The following KALRN variants were observed in gnomAD, a reference collection of about 807,000 sequenced individuals.
The protein encoded by KALRN is kalirin.
KALRN carries 70 observed loss-of-function variants against 353.7 expected under a neutral mutation model. The ratio of observed to expected loss-of-function variants is 0.20; its 90% CI spans 0.16 to 0.24. The LOEUF is 0.24. Among genes scored for constraint, KALRN ranks in the 10% least tolerant of loss-of-function variants. The probability of loss-of-function intolerance (pLI) is 1.00; values close to 1 mark genes in which losing one functional copy is unlikely to be tolerated. For synonymous variants in KALRN, 1,391 were observed against 1,434.8 expected (o/e 0.97, Z 0.69); for missense variants, 2,791 against 3,756.7 (o/e 0.74, Z 6.72).
At chr3:124,559,949 A>G (rs771062655) in intron 33 of KALRN, among the ~76,000 whole-genome samples, 4 of 152,248 alleles carry the variant, frequency 2.6e-5, no homozygotes, top group African/African-American at 4.8e-5. Context: ...ACGTGTGAGC[A>G]TGGAAGAAAT....
intron 34 of KALRN, among the ~76,000 whole-genome samples, chr3:124,593,816 T>A (rs1233556805): frequency 6.6e-6 from 1 of 152,230 alleles, no homozygotes; most frequent in Non-Finnish European, 1.5e-5. Flanking sequence ...TTCTTCTCAC[T>A]TAAGATTACT....
chr3:124,171,714 T>A (rs1372403769), intron 1 of KALRN, among the ~76,000 whole-genome samples: 1 of 152,204 alleles, frequency 6.6e-6, no homozygotes, highest in Non-Finnish European at 1.5e-5. Context: ...ACAGAAGGAC[T>A]TCTGTTTTTC....
intron 34 of KALRN, among the ~76,000 whole-genome samples, chr3:124,574,476 A>C (rs2073879587): frequency 6.7e-6 from 1 of 149,998 alleles, no homozygotes; most frequent in Non-Finnish European, 1.5e-5. Context: ...TATCATCCAG[A>C]GGGGAAGTCA....
At chr3:124,524,927 C>G (rs894376522) in intron 33 of KALRN, among the ~76,000 whole-genome samples, 2 of 152,224 alleles carry the variant, frequency 1.3e-5, no homozygotes, top group African/African-American at 4.8e-5. Flanking sequence ...TAGCACCTTT[C>G]ACACTCTCAG....
At chr3:124,221,027 G>A (rs149542213) in intron 1 of KALRN, among the ~76,000 whole-genome samples, 10 of 152,288 alleles carry the variant, frequency 6.6e-5, no homozygotes, top group African/African-American at 1.9e-4. Context: ...CCTGGCTCTC[G>A]GAGTCTCCGA....
intron 34 of KALRN, among the ~76,000 whole-genome samples, chr3:124,603,423 C>G (rs1220604662): frequency 6.6e-6 from 1 of 152,196 alleles, no homozygotes; most frequent in East Asian, 1.9e-4. Flanking sequence ...TTAAAATTCA[C>G]AGACCTCTCC....
In KALRN at chr3:124,717,365, G is replaced by A. The variant is rs771866378; in HGVS notation, c.8395G>A (p.Val2799Ile). The change falls in exon 59 of 60, where the codon GTT becomes ATT. Residue 2799 changes from valine to isoleucine, a missense_variant. By Grantham distance (29) the Val-to-Ile change is conservative. Around this residue, in one of 11 missense-constraint regions of KALRN, gnomAD observed 188 missense variants for 402.9 expected, o/e 0.47. Coordinates refer to ENST00000682506, the MANE Select transcript of KALRN (RefSeq NM_001388419.1). ...TCTGCAGTACCTTCACAACTGCAGGGTTGCACATTTGGACATAAAGGTAAT... is the reference window on the plus strand; with the variant it reads ...TCTGCAGTACCTTCACAACTGCAGGATTGCACATTTGGACATAAAGGTAAT... ...EALQYLHNCR[V>I]AHLDIKPENL... 1 of 1,606,100 alleles carries A rather than the reference G, an allele frequency of 6.2e-7. No homozygotes were observed. The highest frequency in any genetic ancestry group is 8.5e-7 in the Non-Finnish European group (1 of 1,176,906).
chr3:124,661,711 T>G, intron 44 of KALRN, 140 bp from the exon 45 acceptor site: 1 of 706,906 alleles, frequency 1.4e-6, no homozygotes, highest in Non-Finnish European at 2.6e-6. Flanking sequence ...TCTCTGAGAG[T>G]GGACAGCCAG....
In KALRN at chr3:124,321,119, T is replaced by C. The variant is rs750609670; in HGVS notation, c.1093-4861T>C. Among the ~76,000 whole-genome samples the C allele has an allele frequency of 1.0e-3, 159 of 152,250 alleles. 1 individual carries two copies. The highest frequency in any genetic ancestry group is 5.5e-4 in the African/African-American group (23 of 41,466). ...AAAGATATGACATTCTTTGCACTAT[T>C]GGTTTTGTGCCAGGCATCTGGCTGG... On this transcript the variant is annotated intron_variant, in intron 6 of 59. Transcript: ENST00000682506.
chr3:124,519,405 C>A, intron 33 of KALRN: 1 of 985,342 alleles, frequency 1.0e-6, no homozygotes, highest in Non-Finnish European at 1.2e-6. Context: ...CATGGAAACC[C>A]CACACCAAGG....
At chr3:124,625,879 G>C (rs1435033884) in intron 34 of KALRN, among the ~76,000 whole-genome samples, 1 of 152,148 alleles carries the variant, frequency 6.6e-6, no homozygotes, top group Non-Finnish European at 1.5e-5. Flanking sequence ...TCAGGAGTTT[G>C]AGACCAGCCT....
In KALRN at chr3:124,176,832, G is replaced by A. The variant is rs150841148; in HGVS notation, c.74-51158G>A. Among the ~76,000 whole-genome samples, 35 of 152,236 alleles carry A rather than the reference G, an allele frequency of 2.3e-4. No homozygotes were observed. In the East Asian group the frequency reaches 6.6e-3, roughly 29 times the overall value. On this transcript the variant is annotated intron_variant, in intron 1 of 59. Coordinates refer to ENST00000682506, the MANE Select transcript of KALRN (RefSeq NM_001388419.1). ...TCTCTCCTTGCTTCATGTTAAATAG[G>A]CATCCTTAGGTCTTGGCTAAAAGGA...
At chr3:124,482,787 A>T (rs1323735462) in intron 27 of KALRN, 21 bp from the exon 28 acceptor site, 1 of 1,542,944 alleles carries the variant, frequency 6.5e-7, no homozygotes, top group South Asian at 1.1e-5. Flanking sequence ...GTCTAATTGC[A>T]CATTGTTCTC....
rs1348895083 is a variant in KALRN, at chr3:124,571,435, TA to T, written c.5182+8347del. 4.6e-5 allele frequency among the ~76,000 whole-genome samples: 7 copies of T among 152,368 alleles called. No individual in the cohort carries two copies. In the East Asian group the frequency reaches 1.3e-3, roughly 29 times the overall value. ...CCTGATCTGTTGTCCTCTCTGGGCA[TA>T]GAGCTTAGAGGCAAGTGCCTTCTAC... On this transcript the variant is annotated intron_variant, in intron 34 of 59. Transcript: ENST00000682506.
chr3:124,545,721 T>C (rs1190573078), intron 33 of KALRN, among the ~76,000 whole-genome samples: 2 of 152,218 alleles, frequency 1.3e-5, no homozygotes, highest in Non-Finnish European at 2.9e-5. Context: ...TAACCTCTGT[T>C]CAGCGTCCCC....
intron 21 of KALRN, among the ~76,000 whole-genome samples, chr3:124,451,944 TGTACA>T (rs2058826426): frequency 6.6e-6 from 1 of 152,232 alleles, no homozygotes; most frequent in Non-Finnish European, 1.5e-5. Context: ...GATCCCTGTC[TGTACA>T]GTTTAAATCC....
chr3:124,403,724 G>A (rs1235825021), intron 13 of KALRN, among the ~76,000 whole-genome samples: 2 of 152,212 alleles, frequency 1.3e-5, no homozygotes, highest in East Asian at 1.9e-4. Context: ...GAGACCATTC[G>A]GTCAGCCTTT....
chr3:124,145,178 C>T (rs988683238), intron 1 of KALRN, among the ~76,000 whole-genome samples: 3 of 152,148 alleles, frequency 2.0e-5, no homozygotes, highest in South Asian at 2.1e-4. Flanking sequence ...AGGCCATGTT[C>T]GCATTTGCTC....
chr3:124,331,445 A>G (rs2080543707), intron 8 of KALRN, among the ~76,000 whole-genome samples: 1 of 152,234 alleles, frequency 6.6e-6, no homozygotes, highest in African/African-American at 2.4e-5. Flanking sequence ...AAATAAATCA[A>G]TCATTGTACC....
Sources: allele counts gnomAD v4.1 joint callset (sites outside exome capture counted in the v4.1 genomes callset), GRCh38; gene constraint gnomAD v4.1.1; regional missense constraint gnomAD v4.1.1; transcripts MANE v1.5; gene names NCBI Gene and HGNC (gene_info 2026-07-23, HGNC 2026-07-21).